Variants in CENPP observed in about 807,000 individuals in gnomAD.
CENPP encodes the protein centromere protein P.
In CENPP, 24 loss-of-function variants were observed where a neutral mutation model predicts 35.6. That is an observed-to-expected ratio of 0.67 (90% CI 0.49 to 0.95). The LOEUF (loss-of-function observed/expected upper bound fraction) is 0.95, where lower values mean the gene tolerates loss of function less well. Among genes scored for constraint, CENPP ranks in the 40% least tolerant of loss-of-function variants. CENPP has a pLI of 0.00. For missense variants in CENPP, 332 were observed against 345.3 expected (o/e 0.96, Z 0.31); for synonymous variants, 120 against 125.5 (o/e 0.96, Z 0.29).
At chr9:92,594,001 T>C (rs950438617) in intron 5 of CENPP, among the ~76,000 whole-genome samples, 1 of 152,200 alleles carries the variant, frequency 6.6e-6, no homozygotes, top group Non-Finnish European at 1.5e-5. Flanking sequence ...ATTTGGACTT[T>C]AGTTATAGTA....
chr9:92,598,920 C>T (rs1405221509), intron 5 of CENPP, among the ~76,000 whole-genome samples: 2 of 151,664 alleles, frequency 1.3e-5, no homozygotes, highest in Non-Finnish European at 2.9e-5. Flanking sequence ...TCAGCCTGGC[C>T]AAAATAGTGA....
At chr9:92,574,702 G>A (rs746866647) in intron 5 of CENPP, among the ~76,000 whole-genome samples, 68 of 152,172 alleles carry the variant, frequency 4.5e-4, no homozygotes, top group South Asian at 6.2e-4. Context: ...GATGTTTTTC[G>A]CAGAAATAGA....
intron 5 of CENPP, among the ~76,000 whole-genome samples, chr9:92,519,487 G>A (rs568757423): frequency 3.9e-5 from 6 of 152,168 alleles, no homozygotes; most frequent in Non-Finnish European, 8.8e-5. Context: ...TAGGCCAATG[G>A]AACACTGAAA....
At position 92,326,017 on chromosome 9, in the gene CENPP, G is replaced by C. The variant is rs565422853; in HGVS notation, c.19G>C (p.Glu7Gln). ...ACGCGCCATGGACGCAGAGCTGGCA[G>C]AGGTGCGCGCCTTGCAAGCTGAGAT... is the stretch of plus-strand genomic sequence containing the variant. The part of the protein sequence containing the change: MDAELA[E>Q]VRALQAEIAA... Residue 7 changes from glutamate (E) to glutamine (Q), a missense_variant, in exon 1 of 8, where the codon GAG becomes CAG. Coordinates refer to ENST00000375587, the MANE Select transcript of CENPP (RefSeq NM_001012267.3). 26 of 1,554,342 alleles carry C rather than the reference G, an allele frequency of 1.7e-5. 1 individual carries two copies. In the South Asian group the frequency reaches 2.8e-4, roughly 17 times the overall value.
At chr9:92,420,008 T>C (rs1164823170) in intron 5 of CENPP, among the ~76,000 whole-genome samples, 2 of 152,210 alleles carry the variant, frequency 1.3e-5, no homozygotes. Flanking sequence ...ATTGTGTGTA[T>C]TTGGAATTTG....
chr9:92,512,784 G>C (rs1209125560), intron 5 of CENPP, among the ~76,000 whole-genome samples: 4 of 152,178 alleles, frequency 2.6e-5, no homozygotes, highest in Non-Finnish European at 5.9e-5. Flanking sequence ...AAAGCCACGT[G>C]GTGACCTTCT....
At chr9:92,512,107 G>A in intron 5 of CENPP, 1 of 1,613,622 alleles carries the variant, frequency 6.2e-7, no homozygotes, top group Non-Finnish European at 8.5e-7. Flanking sequence ...CTTCATCTGG[G>A]ATGGAGGCGA....
intron 5 of CENPP, among the ~76,000 whole-genome samples, chr9:92,423,800 C>G (rs1443499355): frequency 6.6e-6 from 1 of 151,910 alleles, no homozygotes; most frequent in Non-Finnish European, 1.5e-5. Flanking sequence ...GCCCATCAAC[C>G]CCCCAACCGG....
At chr9:92,544,014 A>C (rs1849373466) in intron 5 of CENPP, among the ~76,000 whole-genome samples, 1 of 152,154 alleles carries the variant, frequency 6.6e-6, no homozygotes, top group Non-Finnish European at 1.5e-5. Context: ...TCCATTTTAG[A>C]TATTTTTTAT....
chr9:92,572,583 C>T (rs1176901205), intron 5 of CENPP, among the ~76,000 whole-genome samples: 2 of 152,098 alleles, frequency 1.3e-5, no homozygotes, highest in Non-Finnish European at 2.9e-5. Flanking sequence ...TTGCTCTTCT[C>T]GAGGAGTATC....
At chr9:92,558,887 G>A (rs1588274584) in intron 5 of CENPP, among the ~76,000 whole-genome samples, 1 of 152,052 alleles carries the variant, frequency 6.6e-6, no homozygotes, top group South Asian at 2.1e-4. Context: ...CCTCTGCTGA[G>A]TCATGCAGGT....
chr9:92,619,006 G>A lies in CENPP; in HGVS notation c.*5857G>A. Reference sequence around the variant, plus strand: ...AAAACTAGTGACATTAGGGAGAGGGGCGGCACATAGGCTGGTTATTCAGAA... The same window carrying A: ...AAAACTAGTGACATTAGGGAGAGGGACGGCACATAGGCTGGTTATTCAGAA... On this transcript the variant is annotated 3_prime_UTR_variant, in exon 8 of 8. Transcript: ENST00000375587. 1 of 244,722 alleles carries A rather than the reference G, an allele frequency of 4.1e-6. No individual in the cohort carries two copies. Among genetic ancestry groups the A allele is most frequent in the Admixed American group, 5.1e-5 (1 of 19,716 alleles). The allele number at this position is 244,722 out of a possible 1,614,324, so 15.2% of individuals were successfully genotyped here.
chr9:92,523,669 A>C (rs1848212680), intron 5 of CENPP, among the ~76,000 whole-genome samples: 1 of 152,200 alleles, frequency 6.6e-6, no homozygotes. Context: ...GTTTAAATGA[A>C]TCTCCTTTGT....
intron 5 of CENPP, among the ~76,000 whole-genome samples, chr9:92,510,432 A>T (rs1847266238): frequency 6.6e-6 from 1 of 152,264 alleles, no homozygotes; most frequent in Non-Finnish European, 1.5e-5. Flanking sequence ...AACAATTAAG[A>T]TAGCAATCAA....
At chr9:92,573,693 G>A (rs984473931) in intron 5 of CENPP, among the ~76,000 whole-genome samples, 9 of 152,178 alleles carry the variant, frequency 5.9e-5, no homozygotes, top group Admixed American at 6.5e-5. Context: ...GCCCTGCCCC[G>A]AGAGGTGGAG....
intron 4 of CENPP, among the ~76,000 whole-genome samples, chr9:92,348,485 C>T (rs899887448): frequency 6.6e-6 from 1 of 151,754 alleles, no homozygotes; most frequent in Non-Finnish European, 1.5e-5. Context: ...CTCTGCCTCC[C>T]GGGTTCAAGT....
At chr9:92,499,592 C>T (rs576354526) in intron 5 of CENPP, among the ~76,000 whole-genome samples, 5 of 152,176 alleles carry the variant, frequency 3.3e-5, no homozygotes, top group Middle Eastern at 3.2e-3. Context: ...AAACATTAGA[C>T]GCCTTCTGAT....
At chr9:92,395,775 ATCTTTTC>A (rs1842867406) in intron 5 of CENPP, among the ~76,000 whole-genome samples, 4 of 149,432 alleles carry the variant, frequency 2.7e-5, no homozygotes, top group Non-Finnish European at 5.9e-5. Flanking sequence ...TGATGTTAGC[ATCTTTTC>A]ATGTGCTTGT....
Position 92,619,361 on chromosome 9 carries a change from G to A in CENPP, c.*6212G>A. The A allele has an allele frequency of 1.3e-6, 1 of 743,546 alleles. No homozygotes were observed. The allele number at this position is 743,546 out of a possible 1,614,324, so 46.1% of individuals were successfully genotyped here. ...GCCCCATGATGTCACATAGGCCAAGGAAGTTATGTCACTCCGCCATGGAGT... is the reference window on the plus strand; with the variant it reads ...GCCCCATGATGTCACATAGGCCAAGAAAGTTATGTCACTCCGCCATGGAGT... On this transcript the variant is annotated 3_prime_UTR_variant, in exon 8 of 8. Coordinates refer to ENST00000375587, the MANE Select transcript of CENPP (RefSeq NM_001012267.3).
Sources: allele counts gnomAD v4.1 joint callset (sites outside exome capture counted in the v4.1 genomes callset), GRCh38; gene constraint gnomAD v4.1.1; transcripts MANE v1.5; gene names NCBI Gene and HGNC (gene_info 2026-07-23, HGNC 2026-07-21).